TNFSF11: variants seen among roughly 807,000 people sequenced by gnomAD.
TNFSF11 encodes the protein tumor necrosis factor ligand superfamily member 11.
In TNFSF11, 12 loss-of-function variants were observed where a neutral mutation model predicts 32.2. That is an observed-to-expected ratio of 0.37 (90% confidence interval 0.24 to 0.60). TNFSF11 has a LOEUF of 0.60. Among genes scored for constraint, TNFSF11 ranks in the 20% least tolerant of loss-of-function variants. The probability of loss-of-function intolerance (pLI) is 0.66; values close to 1 mark genes in which losing one functional copy is unlikely to be tolerated. For synonymous variants in TNFSF11, 172 were observed against 152.1 expected (o/e 1.13, Z -0.96); for missense variants, 345 against 398.0 (o/e 0.87, Z 1.13).
chr13:42,603,737 A>G (rs1299976454), intron 4 of TNFSF11, among the ~76,000 whole-genome samples: 1 of 152,284 alleles, frequency 6.6e-6, no homozygotes, highest in Non-Finnish European at 1.5e-5. Flanking sequence ...ACCATGTGCT[A>G]TGCAACATGC....
At chr13:42,574,632 C>G (rs961085090) in intron 1 of TNFSF11, 110 bp downstream of exon 1, 2 of 1,330,732 alleles carry the variant, frequency 1.5e-6, no homozygotes, top group African/African-American at 2.9e-5. Context: ...CTTGCATATT[C>G]CGGAAGGGAA....
chr13:42,571,540 T>C (rs1873069059), upstream of TNFSF11: 1 of 152,040 alleles, frequency 6.6e-6, no homozygotes, highest in Admixed American at 6.5e-5. Flanking sequence ...GGCTAATTTG[T>C]TCATTTTTTG....
Position 42,606,631 on chromosome 13 carries a change from C to T in TNFSF11, c.667C>T (p.Arg223Ter), listed in dbSNP as rs267603829. ...TTACCTGTATGCCAACATTTGCTTT[C>T]GACATCATGAAACTTCAGGAGACCT... Reference protein sequence around the residue: ...FYYLYANICFRHHETSGDLAT... With the variant: ...FYYLYANICF Residue 223 changes from arginine (R) to a stop codon, truncating the protein, a stop_gained, in exon 5 of 5, where the codon CGA becomes TGA. Coordinates refer to ENST00000398795, the MANE Select transcript of TNFSF11 (RefSeq NM_003701.4). LOFTEE classifies it high-confidence loss of function. The T allele has an allele frequency of 6.2e-7, 1 of 1,614,174 alleles. No homozygotes were observed. Among genetic ancestry groups the T allele is most frequent in the Non-Finnish European group, 8.5e-7 (1 of 1,180,034 alleles).
chr13:42,601,332 GA>G (rs1192723380), intron 4 of TNFSF11, among the ~76,000 whole-genome samples: 1 of 152,208 alleles, frequency 6.6e-6, no homozygotes, highest in Non-Finnish European at 1.5e-5. Context: ...CCTCAGAGGT[GA>G]ATGAATTCAT....
intron 4 of TNFSF11, among the ~76,000 whole-genome samples, chr13:42,601,523 T>C (rs1869174536): frequency 6.6e-6 from 1 of 152,182 alleles, no homozygotes; most frequent in African/African-American, 2.4e-5. Flanking sequence ...CTGATTATCT[T>C]GAAAATGAAG....
At position 42,583,444 on chromosome 13, in the gene TNFSF11, G is replaced by GAAAAAAAAAAA. The variant is rs71202227; in HGVS notation, c.387+2153_387+2154insAAAAAAAAAAA. Among the ~76,000 whole-genome samples the GAAAAAAAAAAA allele has an allele frequency of 3.0e-3, 282 of 95,480 alleles. 6 individuals are homozygous for GAAAAAAAAAAA. Among genetic ancestry groups the GAAAAAAAAAAA allele is most frequent in the African/African-American group, 4.5e-3 (96 of 21,504 alleles). 62.6% of individuals were successfully genotyped at this position (95,480 alleles called of 152,430 possible). A position where few individuals can be genotyped will look rare whatever the true frequency, so the allele number is the denominator to read the frequency against. On this transcript the variant is annotated intron_variant, in intron 2 of 4. Transcript: ENST00000398795. ...AAAAAAAAAAAAAAAAAAAAGAAAG[G>GAAAAAAAAAAA]AAGAAAGGAAGGAAGGAAAAAGATT...
chr13:42,604,908 T>C (rs557746391), intron 4 of TNFSF11, among the ~76,000 whole-genome samples: 92 of 152,258 alleles, frequency 6.0e-4, no homozygotes, highest in African/African-American at 2.1e-3. Flanking sequence ...CTCAGTCTCC[T>C]GAGTAGCTGG....
chr13:42,603,554 C>T (rs902435430), intron 4 of TNFSF11, among the ~76,000 whole-genome samples: 5 of 152,124 alleles, frequency 3.3e-5, no homozygotes, highest in Non-Finnish European at 7.4e-5. Context: ...ATGCATATTC[C>T]ATTCTTTGCT....
chr13:42,592,949 C>G (rs761708109), intron 2 of TNFSF11, among the ~76,000 whole-genome samples: 1 of 152,178 alleles, frequency 6.6e-6, no homozygotes, highest in African/African-American at 2.4e-5. Context: ...GCTTCCCCAG[C>G]CATGCGGAAC....
At chr13:42,579,112 T>G (rs1338778502) in intron 1 of TNFSF11, among the ~76,000 whole-genome samples, 2 of 151,914 alleles carry the variant, frequency 1.3e-5, no homozygotes, top group Admixed American at 6.6e-5. Flanking sequence ...GAATATAGGG[T>G]TCGGGTGCAG....
intron 1 of TNFSF11, among the ~76,000 whole-genome samples, chr13:42,578,449 G>A (rs1594461171): frequency 6.6e-6 from 1 of 152,178 alleles, no homozygotes; most frequent in South Asian, 2.1e-4. Flanking sequence ...AAGGAGAGCT[G>A]CAAGGGCATT....
chr13:42,583,192 C>T (rs372213596), intron 2 of TNFSF11, among the ~76,000 whole-genome samples: 1 of 151,824 alleles, frequency 6.6e-6, no homozygotes, highest in African/African-American at 2.4e-5. Context: ...GGGAGGATCA[C>T]GTGAGTCCAG....
upstream of TNFSF11, chr13:42,571,668 C>T (rs201118391): frequency 3.3e-5 from 5 of 152,170 alleles, no homozygotes; most frequent in African/African-American, 1.2e-4. Flanking sequence ...TGCGCCTGGC[C>T]TATTGAAGGT....
At chr13:42,585,281 C>T (rs1049206899) in intron 2 of TNFSF11, among the ~76,000 whole-genome samples, 2 of 152,178 alleles carry the variant, frequency 1.3e-5, no homozygotes, top group African/African-American at 4.8e-5. Flanking sequence ...ATTGAGTGAA[C>T]CCTTAAAACA....
At chr13:42,568,663 G>A (rs1291026301) in intron 2 of TNFSF11, among the ~76,000 whole-genome samples, 1 of 152,156 alleles carries the variant, frequency 6.6e-6, no homozygotes, top group African/African-American at 2.4e-5. Flanking sequence ...CTGGACCGGA[G>A]ATCAGAAGAC....
intron 2 of TNFSF11, among the ~76,000 whole-genome samples, chr13:42,583,557 A>C (rs895750760): frequency 6.6e-6 from 1 of 151,956 alleles, no homozygotes; most frequent in Non-Finnish European, 1.5e-5. Flanking sequence ...GATCCTGAAA[A>C]GTGATTGACA....
At chr13:42,568,078 C>A (rs1320226177) in intron 2 of TNFSF11, among the ~76,000 whole-genome samples, 1 of 152,240 alleles carries the variant, frequency 6.6e-6, no homozygotes, top group African/African-American at 2.4e-5. Flanking sequence ...ACAGCAGATG[C>A]ACATTTGAGT....
At chr13:42,573,369 G>A (rs549706952), upstream of TNFSF11, among the ~76,000 whole-genome samples, 2 of 152,212 alleles carry the variant, frequency 1.3e-5, no homozygotes, top group Non-Finnish European at 2.9e-5. Context: ...AAGAGCCACA[G>A]TTCTGAATAG....
chr13:42,600,684 C>A, intron 2 of TNFSF11, 68 bp from the exon 3 acceptor site: 2 of 1,490,352 alleles, frequency 1.3e-6, no homozygotes, highest in Non-Finnish European at 1.8e-6. Context: ...ATGTAACAGC[C>A]CTGAATTCTT....
Sources: allele counts gnomAD v4.1 joint callset (sites outside exome capture counted in the v4.1 genomes callset), GRCh38; gene constraint gnomAD v4.1.1; transcripts MANE v1.5; gene names NCBI Gene and HGNC (gene_info 2026-07-23, HGNC 2026-07-21).